The following PTPRQ variants were observed in gnomAD, a reference collection of about 807,000 sequenced individuals.
PTPRQ encodes phosphatidylinositol phosphatase PTPRQ.
A neutral mutation model predicts 246.0 loss-of-function variants in PTPRQ; 199 were observed. The ratio of observed to expected loss-of-function variants is 0.81; its 90% CI spans 0.72 to 0.91. The LOEUF (loss-of-function observed/expected upper bound fraction) is 0.91. PTPRQ is among the 40% of genes least tolerant of loss of function. The pLI is 0.00. For missense variants in PTPRQ, 2,624 were observed against 2,528.4 expected (o/e 1.04, Z -0.81); for synonymous variants, 869 against 853.2 (o/e 1.02, Z -0.32).
chr12:80,493,369 A>G lies in PTPRQ; in HGVS notation c.1454A>G (p.His485Arg), dbSNP rs865880805. Reference sequence around the variant, plus strand: ...TCAGCAGAGATGTCGTCTGACCTTCACTCACTTGCTACATTTATATATAAC... The same window carrying G: ...TCAGCAGAGATGTCGTCTGACCTTCGCTCACTTGCTACATTTATATATAAC... ...EGSAEMSSDLHSLATFIYNSH... is the reference protein window; with the variant it reads ...EGSAEMSSDLRSLATFIYNSH... Residue 485 changes from histidine to arginine, a missense_variant, in exon 10 of 45, where the codon CAC (histidine) becomes CGC (arginine). Transcript: ENST00000644991. 1 of 1,550,152 alleles carries G rather than the reference A, an allele frequency of 6.5e-7. No individual in the cohort carries two copies.
At chr12:80,552,645 T>TTATACA (rs1896514456) in intron 25 of PTPRQ, among the ~76,000 whole-genome samples, 1 of 76,502 alleles carries the variant, frequency 1.3e-5, no homozygotes, top group Non-Finnish European at 2.4e-5. Context: ...AAAAAAAAAA[T>TTATACA]TATATATATA....
intron 8 of PTPRQ, among the ~76,000 whole-genome samples, chr12:80,482,281 T>C (rs1372277218): frequency 2.0e-5 from 3 of 151,396 alleles, no homozygotes; most frequent in Non-Finnish European, 4.4e-5. Context: ...GGGAAAGGAT[T>C]CCTTATTTAA....
At chr12:80,597,062 G>A (rs915236077) in intron 26 of PTPRQ, among the ~76,000 whole-genome samples, 2 of 151,898 alleles carry the variant, frequency 1.3e-5, no homozygotes, top group African/African-American at 4.8e-5. Flanking sequence ...AGATGGAGAG[G>A]TACTAACTGA....
chr12:80,532,068 T>A (rs4525304), intron 17 of PTPRQ, among the ~76,000 whole-genome samples: 2 of 151,866 alleles, frequency 1.3e-5, no homozygotes, highest in Admixed American at 6.6e-5. Flanking sequence ...TAGATACTTA[T>A]GTACAAGATT....
At chr12:80,566,089 C>T (rs1332444744) in intron 25 of PTPRQ, among the ~76,000 whole-genome samples, 1 of 152,088 alleles carries the variant, frequency 6.6e-6, no homozygotes, top group Non-Finnish European at 1.5e-5. Context: ...TGCAGAATTA[C>T]TATTTTAAAA....
chr12:80,633,962 T>A (rs1212471800), intron 34 of PTPRQ, among the ~76,000 whole-genome samples: 1 of 152,220 alleles, frequency 6.6e-6, no homozygotes, highest in East Asian at 1.9e-4. Flanking sequence ...GAACATTCCT[T>A]GGGCTTTTAT....
chr12:80,455,899 G>A (rs1181463735), intron 3 of PTPRQ, among the ~76,000 whole-genome samples: 2 of 151,906 alleles, frequency 1.3e-5, no homozygotes, highest in Admixed American at 6.6e-5. Flanking sequence ...GCGCCCAGCC[G>A]TCCTTTACAT....
At chr12:80,594,187 T>G (rs2121042163) in intron 26 of PTPRQ, among the ~76,000 whole-genome samples, 1 of 152,296 alleles carries the variant, frequency 6.6e-6, no homozygotes, top group African/African-American at 2.4e-5. Context: ...TTTTCCTTAG[T>G]TTTTTCTAAA....
At chr12:80,652,898 T>G in intron 38 of PTPRQ, 64 bp downstream of exon 38, 1 of 1,397,380 alleles carries the variant, frequency 7.2e-7, no homozygotes, top group East Asian at 2.8e-5. Context: ...CATCTTAACT[T>G]TTTTGTTTCC....
intron 3 of PTPRQ, among the ~76,000 whole-genome samples, chr12:80,455,653 C>T (rs931450680): frequency 2.6e-5 from 4 of 151,222 alleles, no homozygotes; most frequent in African/African-American, 4.9e-5. Context: ...TGCAGTGGCC[C>T]GATCTCGGCT....
Position 80,644,373 on chromosome 12 carries a change from T to C in PTPRQ, c.5916-4524T>C, listed in dbSNP as rs141274721. Among the ~76,000 whole-genome samples, 259 of 152,308 alleles carry C rather than the reference T, an allele frequency of 1.7e-3. 2 individuals are homozygous for C. Among genetic ancestry groups the C allele is most frequent in the African/African-American group, 5.5e-3 (230 of 41,586 alleles). On this transcript the variant is annotated intron_variant, in intron 35 of 44. Transcript: ENST00000644991. ...TATTGAAATCTGGACAGTTCCCAAA[T>C]TGATTTATCCAGTAATGAACTGATT...
intron 29 of PTPRQ, 34 bp from the exon 30 acceptor site, chr12:80,616,166 C>T (rs1397357396): frequency 1.4e-6 from 2 of 1,435,066 alleles, no homozygotes; most frequent in Admixed American, 2.5e-5. Context: ...TAAGCAATCA[C>T]TTGAAAATAG....
chr12:80,656,346 T>C (rs941341156), intron 38 of PTPRQ, among the ~76,000 whole-genome samples: 1 of 152,134 alleles, frequency 6.6e-6, no homozygotes, highest in Non-Finnish European at 1.5e-5. Flanking sequence ...TTATACAAAA[T>C]CTGTGTTATA....
chr12:80,678,550 A>T (rs1437888642), intron 43 of PTPRQ, 52 bp from the exon 44 acceptor site: 4 of 1,492,332 alleles, frequency 2.7e-6, no homozygotes, highest in Non-Finnish European at 2.7e-6. Context: ...AACTCCCTTT[A>T]TGAAACTCTT....
At chr12:80,472,661 T>C (rs905064932) in intron 8 of PTPRQ, among the ~76,000 whole-genome samples, 1 of 152,238 alleles carries the variant, frequency 6.6e-6, no homozygotes, top group Non-Finnish European at 1.5e-5. Context: ...AATATGTTTA[T>C]AATCAAAACG....
At chr12:80,447,258 C>T (rs1056953680) in intron 3 of PTPRQ, among the ~76,000 whole-genome samples, 1 of 151,242 alleles carries the variant, frequency 6.6e-6, no homozygotes, top group African/African-American at 2.4e-5. Context: ...GGTTTTTCTC[C>T]TTGTATTGTT....
At chr12:80,455,297 A>T (rs1193184772) in intron 3 of PTPRQ, among the ~76,000 whole-genome samples, 4 of 152,230 alleles carry the variant, frequency 2.6e-5, no homozygotes, top group Admixed American at 1.3e-4. Context: ...TTAATTATTT[A>T]AAAAAACTTT....
At chr12:80,518,569 TC>T (rs1895374868) in intron 17 of PTPRQ, among the ~76,000 whole-genome samples, 1 of 152,154 alleles carries the variant, frequency 6.6e-6, no homozygotes, top group South Asian at 2.1e-4. Flanking sequence ...CAGATCAATA[TC>T]CTGGAGATTT....
At chr12:80,670,588 T>C in intron 42 of PTPRQ, 96 bp downstream of exon 42, 2 of 1,391,942 alleles carry the variant, frequency 1.4e-6, no homozygotes, top group South Asian at 3.7e-5. Context: ...TGTAAATTTC[T>C]TCCAGCTTGC....
Sources: gnomAD v4.1 joint callset for allele counts (sites outside exome capture counted in the v4.1 genomes callset) on GRCh38, gnomAD v4.1.1 for gene constraint, MANE v1.5 for transcripts, NCBI Gene and HGNC (gene_info 2026-07-23, HGNC 2026-07-21) for gene names.